Variants in FAT3 observed in about 807,000 individuals in gnomAD.
The protein encoded by FAT3 is protocadherin Fat 3.
Under a neutral mutation model 310.2 loss-of-function variants are expected in FAT3, and 95 were observed. The observed-to-expected ratio is 0.31, with a 90% CI of 0.26 to 0.36. The LOEUF is 0.36. Among genes scored for constraint, FAT3 ranks in the 10% least tolerant of loss-of-function variants. FAT3 has a pLI of 1.00. For missense variants in FAT3, 5,408 were observed against 5,715.6 expected (o/e 0.95, Z 1.74); for synonymous variants, 2,314 against 2,192.9 (o/e 1.06, Z -1.54).
At chr11:92,309,863 T>C (rs1220697463) in intron 1 of FAT3, among the ~76,000 whole-genome samples, 3 of 152,170 alleles carry the variant, frequency 2.0e-5, no homozygotes, top group Non-Finnish European at 2.9e-5. Flanking sequence ...AAAGAATTGG[T>C]ACATTGTTCT....
chr11:92,763,572 A>G (rs1340738541), intron 5 of FAT3, among the ~76,000 whole-genome samples: 1 of 152,048 alleles, frequency 6.6e-6, no homozygotes, highest in Admixed American at 6.6e-5. Context: ...GGTGAAAGAG[A>G]GTCTACATTC....
At chr11:92,832,096 T>A (rs1948276961) in intron 14 of FAT3, 85 bp downstream of exon 14, 9 of 1,412,422 alleles carry the variant, frequency 6.4e-6, no homozygotes, top group Non-Finnish European at 8.4e-6. Flanking sequence ...TTTGGGAGGC[T>A]GAGGCAAGAA....
chr11:92,879,304 T>G (rs974148098), intron 22 of FAT3, among the ~76,000 whole-genome samples: 1 of 152,090 alleles, frequency 6.6e-6, no homozygotes, highest in East Asian at 1.9e-4. Context: ...AGACAGGTGA[T>G]ACAGGAATCA....
At chr11:92,611,637 G>A (rs779146484) in intron 3 of FAT3, among the ~76,000 whole-genome samples, 4 of 151,222 alleles carry the variant, frequency 2.6e-5, no homozygotes, top group Non-Finnish European at 5.9e-5. Flanking sequence ...CAAGAGATCC[G>A]TCTGCTTTAA....
chr11:92,535,441 G>A (rs1283610846), intron 3 of FAT3, among the ~76,000 whole-genome samples: 1 of 152,150 alleles, frequency 6.6e-6, no homozygotes, highest in Admixed American at 6.5e-5. Context: ...GTGGTGCTTG[G>A]TTACAGCAGC....
At chr11:92,315,455 A>ATGTGTG (rs1157835093) in intron 1 of FAT3, among the ~76,000 whole-genome samples, 76 of 107,820 alleles carry the variant, frequency 7.0e-4, no homozygotes, top group African/African-American at 1.1e-3. Flanking sequence ...GTGTATATAT[A>ATGTGTG]TGTGTGTGTG....
intron 1 of FAT3, among the ~76,000 whole-genome samples, chr11:92,298,974 G>T (rs541321559): frequency 6.6e-6 from 1 of 152,044 alleles, no homozygotes; most frequent in Non-Finnish European, 1.5e-5. Flanking sequence ...TGTGTGCAAA[G>T]ATCTCTTTTT....
At chr11:92,814,528 T>G (rs1324645217) in intron 13 of FAT3, among the ~76,000 whole-genome samples, 5 of 152,204 alleles carry the variant, frequency 3.3e-5, no homozygotes, top group African/African-American at 1.2e-4. Context: ...TTAGTTTTCC[T>G]GTCAATTGGA....
chr11:92,525,765 A>G (rs1033207353), intron 3 of FAT3, among the ~76,000 whole-genome samples: 4 of 152,148 alleles, frequency 2.6e-5, no homozygotes, highest in African/African-American at 4.8e-5. Flanking sequence ...AAGTGAGTTG[A>G]TATTGGTTCA....
intron 2 of FAT3, among the ~76,000 whole-genome samples, chr11:92,400,019 C>T (rs184578336): frequency 6.6e-6 from 1 of 152,126 alleles, no homozygotes; most frequent in Admixed American, 6.6e-5. Context: ...TATTGAGGCA[C>T]AGACTATTGG....
intron 3 of FAT3, among the ~76,000 whole-genome samples, chr11:92,533,461 A>G (rs561865899): frequency 8.8e-4 from 134 of 152,292 alleles, no homozygotes; most frequent in African/African-American, 3.2e-3. Context: ...GGACAGGGCA[A>G]CAGCATGTGT....
chr11:92,597,586 C>G (rs1939777014), intron 3 of FAT3, among the ~76,000 whole-genome samples: 1 of 152,176 alleles, frequency 6.6e-6, no homozygotes, highest in Admixed American at 6.5e-5. Context: ...TGCCATATTC[C>G]TTGCCTCCCT....
At chr11:92,627,520 G>A (rs1002601454) in intron 3 of FAT3, among the ~76,000 whole-genome samples, 9 of 152,058 alleles carry the variant, frequency 5.9e-5, no homozygotes, top group Non-Finnish European at 1.0e-4. Flanking sequence ...AGTTGGATGG[G>A]GTAGAGAGAG....
At chr11:92,652,781 C>T (rs969256628) in intron 3 of FAT3, among the ~76,000 whole-genome samples, 5 of 152,314 alleles carry the variant, frequency 3.3e-5, no homozygotes, top group East Asian at 1.9e-4. Flanking sequence ...GAAGATGCTT[C>T]CTGAAGGTGC....
intron 1 of FAT3, among the ~76,000 whole-genome samples, chr11:92,289,718 G>A (rs1414620636): frequency 6.6e-6 from 1 of 152,054 alleles, no homozygotes; most frequent in Non-Finnish European, 1.5e-5. Flanking sequence ...GTTTGGGATG[G>A]TATCTAATCC....
intron 3 of FAT3, among the ~76,000 whole-genome samples, chr11:92,635,007 C>G (rs1179214685): frequency 1.3e-5 from 2 of 152,084 alleles, no homozygotes; most frequent in African/African-American, 2.4e-5. Flanking sequence ...TAAAGAGAGC[C>G]CTTATTAGAA....
At chr11:92,620,004 C>T (rs917450561) in intron 3 of FAT3, among the ~76,000 whole-genome samples, 32 of 152,024 alleles carry the variant, frequency 2.1e-4, no homozygotes, top group South Asian at 2.1e-4. Flanking sequence ...CTAAGCATTG[C>T]TTTACTGCAT....
chr11:92,492,283 CCATCCATT>C (rs1239329448), intron 2 of FAT3, among the ~76,000 whole-genome samples: 2 of 148,998 alleles, frequency 1.3e-5, no homozygotes, highest in Admixed American at 6.7e-5. Context: ...ATCCATCCAT[CCATCCATT>C]CATCCATCCA....
rs762330259 is a variant in FAT3, at chr11:92,765,044, G to A, written c.4150G>A (p.Val1384Met). The A allele has an allele frequency of 1.2e-6, 2 of 1,613,684 alleles. No homozygotes were observed. Among genetic ancestry groups the A allele is most frequent in the Non-Finnish European group, 1.7e-6 (2 of 1,179,840 alleles). The change falls in exon 6 of 28, where the codon GTG becomes ATG. Residue 1384 changes from valine (V) to methionine (M), a missense_variant. Around this residue, in one of 5 missense-constraint regions of FAT3, gnomAD observed 4,588 missense variants for 4,809.8 expected, o/e 0.95. Transcript: ENST00000525166. Reference sequence around the variant, plus strand: ...TAGAGTGACTGAAATTGTAGGGGTGGTGTCTGTGCAGCCAGCTAACACCCC... The same window carrying A: ...TAGAGTGACTGAAATTGTAGGGGTGATGTCTGTGCAGCCAGCTAACACCCC... ...SDRVTEIVGV[V>M]SVQPANTPLW... is the part of the protein sequence containing the mutation.
Sources: allele counts gnomAD v4.1 joint callset (sites outside exome capture counted in the v4.1 genomes callset), GRCh38; gene constraint gnomAD v4.1.1; regional missense constraint gnomAD v4.1.1; transcripts MANE v1.5; gene names NCBI Gene and HGNC (gene_info 2026-07-23, HGNC 2026-07-21).